The following PEAR1 variants were observed in gnomAD, a reference collection of about 807,000 sequenced individuals.
PEAR1 encodes the protein multiple EGF-like domains protein 12.
A neutral mutation model predicts 131.2 loss-of-function variants in PEAR1; 113 were observed. The observed-to-expected ratio is 0.86, with a 90% CI of 0.74 to 1.01. The LOEUF (loss-of-function observed/expected upper bound fraction) is 1.01, where lower values mean the gene tolerates loss of function less well. Among genes scored for constraint, PEAR1 ranks in the 50% least tolerant of loss-of-function variants. The pLI, the probability that PEAR1 is intolerant of heterozygous loss-of-function variation, is 0.00. For synonymous variants in PEAR1, 565 were observed against 523.3 expected (o/e 1.08, Z -1.09); for missense variants, 1,408 against 1,391.1 (o/e 1.01, Z -0.19).
At chr1:156,914,579 G>A in intron 22 of PEAR1, 68 bp from the exon 23 acceptor site, 1 of 1,479,916 alleles carries the variant, frequency 6.8e-7, no homozygotes, top group Non-Finnish European at 9.2e-7. Flanking sequence ...GGAGTGCAGT[G>A]GGAGTGGAGG....
At position 156,916,142 on chromosome 1, in the gene PEAR1, T is replaced by C. The variant is rs1024955685; in HGVS notation, c.*1344T>C. 2.0e-5 allele frequency: 3 copies of C among 152,164 alleles called. No homozygotes were observed. Among genetic ancestry groups the C allele is most frequent in the African/African-American group, 7.2e-5 (3 of 41,418 alleles). 9.4% of individuals were successfully genotyped at this position (152,164 alleles called of 1,614,324 possible). On this transcript the variant is annotated 3_prime_UTR_variant, in exon 23 of 23. Transcript: ENST00000292357. ...AGAATTTTTAAAGAAATTGAAGGTTTTGGGACATATATGTGACAGCAATAG... is the reference window on the plus strand; with the variant it reads ...AGAATTTTTAAAGAAATTGAAGGTTCTGGGACATATATGTGACAGCAATAG...
intron 1 of PEAR1, among the ~76,000 whole-genome samples, chr1:156,896,908 A>G (rs1423750792): frequency 6.6e-6 from 1 of 152,192 alleles, no homozygotes; most frequent in Non-Finnish European, 1.5e-5. Context: ...AACGTTGAAA[A>G]GTTCTTTCTG....
At chr1:156,912,655 G>T (rs1469431719) in intron 17 of PEAR1, 33 bp downstream of exon 17, 1 of 1,609,830 alleles carries the variant, frequency 6.2e-7, no homozygotes, top group Non-Finnish European at 8.5e-7. Flanking sequence ...CCCACCCATT[G>T]TCCCCAGGGA....
chr1:156,909,146 G>A (rs1014307695), intron 11 of PEAR1, 110 bp downstream of exon 11: 1 of 1,420,072 alleles, frequency 7.0e-7, no homozygotes, highest in Non-Finnish European at 9.6e-7. Flanking sequence ...GCAGGGTAAG[G>A]GTGGAGGGGC....
Position 156,906,814 on chromosome 1 carries a change from G to A in PEAR1, c.578G>A (p.Cys193Tyr). The A allele has an allele frequency of 6.2e-7, 1 of 1,614,216 alleles. No homozygotes were observed. The highest frequency in any genetic ancestry group is 8.5e-7 in the Non-Finnish European group (1 of 1,180,050). Reference protein sequence around the residue: ...YGPACQFRCQCHGAPCDPQTG... With the variant: ...YGPACQFRCQYHGAPCDPQTG... ...CCTGCCTGCCAGTTCCGCTGCCAGT[G>A]CCATGGGGCACCCTGCGATCCCCAG... Residue 193 changes from cysteine (C) to tyrosine (Y), a missense_variant, in exon 6 of 23, where the codon TGC becomes TAC. Cys to Tyr is a radical substitution (Grantham distance 194). Coordinates refer to ENST00000292357, the MANE Select transcript of PEAR1 (RefSeq NM_001080471.3).
In PEAR1 at chr1:156,906,360, G is replaced by A; in HGVS notation, c.392G>A (p.Cys131Tyr). 2 of 1,614,218 alleles carry A rather than the reference G, an allele frequency of 1.2e-6. No homozygotes were observed. Among genetic ancestry groups the A allele is most frequent in the Non-Finnish European group, 8.5e-7 (1 of 1,180,018 alleles). ...QCVPGWRGDD[C>Y]SSECAPGMWG... ...GTGCCAGGCTGGCGGGGCGACGACT[G>A]TTCCAGTGGTGAGTGGCTACTGACC... is the stretch of plus-strand genomic sequence containing the variant. The change falls in exon 5 of 23, where the codon TGT (cysteine) becomes TAT (tyrosine). Residue 131 changes from cysteine (C) to tyrosine (Y), a missense_variant. Coordinates refer to ENST00000292357, the MANE Select transcript of PEAR1 (RefSeq NM_001080471.3).
chr1:156,893,998 G>T (rs1313460848), intron 1 of PEAR1, among the ~76,000 whole-genome samples, 161 bp downstream of exon 1: 1 of 152,238 alleles, frequency 6.6e-6, no homozygotes, highest in African/African-American at 2.4e-5. Context: ...GATGGAGAGA[G>T]ACGTGAAGGA....
intron 11 of PEAR1, 97 bp from the exon 12 acceptor site, chr1:156,909,654 G>A: frequency 2.9e-6 from 4 of 1,357,508 alleles, no homozygotes; most frequent in African/African-American, 1.5e-5. Flanking sequence ...ACCCACCCCA[G>A]CTCATAGCAT....
In PEAR1 at chr1:156,904,746, A is replaced by G. The variant is rs1211042883; in HGVS notation, c.102-2A>G. 6.2e-7 allele frequency: 1 copy of G among 1,609,080 alleles called. No homozygotes were observed. The highest frequency in any genetic ancestry group is 8.5e-7 in the Non-Finnish European group (1 of 1,178,038). The stretch of plus-strand genomic sequence containing the variant: ...GCCCTGACCCTGTTCCCTGTCTTGC[A>G]GCTTCACTACCACCACCAAGGAGTC... On this transcript the variant is annotated splice_acceptor_variant, in intron 2 of 22. Coordinates refer to ENST00000292357, the MANE Select transcript of PEAR1 (RefSeq NM_001080471.3). LOFTEE classifies it high-confidence loss of function.
intron 3 of PEAR1, 182 bp downstream of exon 3, chr1:156,905,034 A>T: frequency 7.0e-7 from 1 of 1,422,162 alleles, no homozygotes; most frequent in Non-Finnish European, 9.6e-7. Flanking sequence ...GAATGCGTGT[A>T]TGTGTGTTTA....
At chr1:156,913,022 G>T (rs752571854) in intron 18 of PEAR1, 40 bp downstream of exon 18, 1 of 1,608,654 alleles carries the variant, frequency 6.2e-7, no homozygotes, top group African/African-American at 1.3e-5. Context: ...TGAGTGGCTG[G>T]CTCATAGGCA....
intron 20 of PEAR1, 49 bp downstream of exon 20, chr1:156,913,572 C>A (rs754662197): frequency 1.2e-6 from 2 of 1,606,076 alleles, no homozygotes; most frequent in Non-Finnish European, 1.7e-6. Context: ...TGTGTGCAGC[C>A]CAGATGCCGC....
chr1:156,910,605 C>G lies in PEAR1; in HGVS notation c.1826-13C>G. 6.2e-7 allele frequency: 1 copy of G among 1,613,398 alleles called. No homozygotes were observed. The highest frequency in any genetic ancestry group is 1.3e-5 in the African/African-American group (1 of 75,042). The stretch of plus-strand genomic sequence containing the variant: ...GCCTCTGCCCCCAATCACCATGTAC[C>G]CCTTTCCCCCAGCCTGTCAGCCTGG... On this transcript the variant is annotated splice_polypyrimidine_tract_variant and intron_variant, in intron 14 of 22. Coordinates refer to ENST00000292357, the MANE Select transcript of PEAR1 (RefSeq NM_001080471.3).
Position 156,913,914 on chromosome 1 carries a change from G to A in PEAR1, c.2776G>A (p.Ala926Thr), listed in dbSNP as rs2101553629. Residue 926 changes from alanine to threonine, a missense_variant, in exon 22 of 23, where the codon GCC (alanine) becomes ACC (threonine). By Grantham distance (58) the Ala-to-Thr change is moderately conservative. Transcript: ENST00000292357. The stretch of plus-strand genomic sequence containing the variant: ...TTCCCTGAGCAGTGAGAACCCATAT[G>A]CCACCATCCGGGACCTGCCCAGCTT... The part of the protein sequence containing the change: ...VASLSSENPY[A>T]TIRDLPSLPG... 2.5e-6 allele frequency: 4 copies of A among 1,614,074 alleles called. No individual in the cohort carries two copies. Among genetic ancestry groups the A allele is most frequent in the South Asian group, 1.1e-5 (1 of 91,088 alleles).
In PEAR1 at chr1:156,912,253, C is replaced by T. The variant is rs764121765; in HGVS notation, c.1958C>T (p.Pro653Leu). The change falls in exon 16 of 23, where the codon CCT (proline) becomes CTT (leucine). Residue 653 changes from proline (P) to leucine (L), a missense_variant. Physicochemically the swap from Pro to Leu is moderately conservative, Grantham distance 98. Coordinates refer to ENST00000292357, the MANE Select transcript of PEAR1 (RefSeq NM_001080471.3). Reference sequence around the variant, plus strand: ...GGCCCCATGTCTCCCGTAGCATGCCCTCCAGGACACTGGGGAGAAAACTGT... The same window carrying T: ...GGCCCCATGTCTCCCGTAGCATGCCTTCCAGGACACTGGGGAGAAAACTGT... ...WTGPDCSQPC[P>L]PGHWGENCAQ... 55 of 1,612,898 alleles carry T rather than the reference C, an allele frequency of 3.4e-5. No homozygotes were observed. Among genetic ancestry groups the T allele is most frequent in the Non-Finnish European group, 2.9e-5 (34 of 1,179,552 alleles).
chr1:156,907,547 G>A (rs1219639267), intron 6 of PEAR1, 63 bp from the exon 7 acceptor site: 6 of 1,559,374 alleles, frequency 3.8e-6, no homozygotes, highest in Admixed American at 1.8e-5. Context: ...GCAGTCCTTG[G>A]AGGCAAGAGA....
chr1:156,913,810 C>T, intron 21 of PEAR1, 42 bp from the exon 22 acceptor site: 1 of 1,611,128 alleles, frequency 6.2e-7, no homozygotes, highest in Non-Finnish European at 8.5e-7. Flanking sequence ...GGCTGAGGAA[C>T]CAGTGCCTCC....
chr1:156,907,617 G>T lies in PEAR1; in HGVS notation c.652G>T (p.Val218Leu), dbSNP rs773757499. 11 of 1,612,128 alleles carry T rather than the reference G, an allele frequency of 6.8e-6. No individual in the cohort carries two copies. The South Asian group carries it at 1.1e-4, about 16-fold the overall frequency. Residue 218 changes from valine (V) to leucine (L), a missense_variant, in exon 7 of 23, where the codon GTG (valine) becomes TTG (leucine). Transcript: ENST00000292357. ...ACCCACTCTGTCCTGCAGCTGTGAC[G>T]TGTCCTGTTCCCAGGGCACTTCTGG... ...PAERTGPSCD[V>L]SCSQGTSGFF... is the part of the protein sequence containing the mutation.
intron 2 of PEAR1, 64 bp downstream of exon 2, chr1:156,904,091 C>T (rs1570950794): frequency 7.5e-7 from 1 of 1,331,546 alleles, no homozygotes; most frequent in South Asian, 1.2e-5. Flanking sequence ...CCCTATTGTC[C>T]CTACTGGGGT....
Sources: allele counts gnomAD v4.1 joint callset (sites outside exome capture counted in the v4.1 genomes callset), GRCh38; gene constraint gnomAD v4.1.1; transcripts MANE v1.5; gene names NCBI Gene and HGNC (gene_info 2026-07-23, HGNC 2026-07-21).